Variants in HS3ST4 observed in about 807,000 individuals in gnomAD.
HS3ST4 encodes heparan sulfate-glucosamine 3-sulfotransferase 4.
In HS3ST4, 17 loss-of-function variants were observed where a neutral mutation model predicts 29.2. That is an observed-to-expected ratio of 0.58 (90% CI 0.40 to 0.87). The LOEUF is 0.87. HS3ST4 is among the 40% of genes least tolerant of loss of function. The pLI, the probability that HS3ST4 is intolerant of heterozygous loss-of-function variation, is 0.00. For missense variants in HS3ST4, 627 were observed against 634.5 expected (o/e 0.99, Z 0.13); for synonymous variants, 314 against 285.7 (o/e 1.10, Z -1.00).
Position 25,960,122 on chromosome 16 carries a change from G to A in HS3ST4, c.735-175490G>A, listed in dbSNP as rs1459057604. On this transcript the variant is annotated intron_variant, in intron 1 of 1. Transcript: ENST00000331351. Reference sequence around the variant, plus strand: ...TTGCACTCCAGCCTGGGCAACAAGAGTGAAACTCCGTCTCAAAAAAAAAGA... The same window carrying A: ...TTGCACTCCAGCCTGGGCAACAAGAATGAAACTCCGTCTCAAAAAAAAAGA... Among the ~76,000 whole-genome samples the A allele has an allele frequency of 2.6e-5, 4 of 152,004 alleles. No homozygotes were observed. In the East Asian group the frequency reaches 7.7e-4, roughly 29 times the overall value.
At chr16:25,971,938 A>G (rs1256924734) in intron 1 of HS3ST4, among the ~76,000 whole-genome samples, 1 of 152,128 alleles carries the variant, frequency 6.6e-6, no homozygotes, top group Non-Finnish European at 1.5e-5. Flanking sequence ...CTCAAAAAAG[A>G]AAGAAAGAAA....
chr16:25,810,088 T>C (rs1184586902), intron 1 of HS3ST4, among the ~76,000 whole-genome samples: 2 of 152,130 alleles, frequency 1.3e-5, no homozygotes, highest in Admixed American at 1.3e-4. Flanking sequence ...TCCTCTTTTC[T>C]AAAGTAAGAA....
At chr16:25,920,605 C>A (rs796294514) in intron 1 of HS3ST4, among the ~76,000 whole-genome samples, 1,918 of 150,158 alleles carry the variant, frequency 0.013, 88 homozygotes, top group African/African-American at 0.044. Context: ...CGCCCCCACC[C>A]CTCTTTTTTT....
At chr16:25,858,686 G>A (rs1229526863) in intron 1 of HS3ST4, among the ~76,000 whole-genome samples, 1 of 151,822 alleles carries the variant, frequency 6.6e-6, no homozygotes, top group African/African-American at 2.4e-5. Context: ...ATGGTTATTT[G>A]TCTACTCATG....
rs147451016 is a variant in HS3ST4 at position 25,754,714 on chromosome 16, G to T, written c.734+61563G>T. Reference sequence around the variant, plus strand: ...CCTCAGATCTCCTGAGGACTATCACGATCACAAGAACAGGATGGGGAAAAC... The same window carrying T: ...CCTCAGATCTCCTGAGGACTATCACTATCACAAGAACAGGATGGGGAAAAC... On this transcript the variant is annotated intron_variant, in intron 1 of 1. Coordinates refer to ENST00000331351, the MANE Select transcript of HS3ST4 (RefSeq NM_006040.3). Among the ~76,000 whole-genome samples the T allele has an allele frequency of 2.5e-3, 378 of 152,168 alleles. 2 individuals are homozygous for T. Among genetic ancestry groups the T allele is most frequent in the African/African-American group, 8.7e-3 (362 of 41,488 alleles).
intron 1 of HS3ST4, among the ~76,000 whole-genome samples, chr16:25,768,108 C>G (rs1966833003): frequency 6.6e-6 from 1 of 152,088 alleles, no homozygotes; most frequent in African/African-American, 2.4e-5. Flanking sequence ...CTGTGAACAT[C>G]ACATGTCTGG....
intron 1 of HS3ST4, among the ~76,000 whole-genome samples, chr16:25,843,924 C>T (rs1041856490): frequency 2.0e-5 from 3 of 152,112 alleles, no homozygotes; most frequent in Admixed American, 6.6e-5. Context: ...TCTCATGTTG[C>T]CCCAGTCTCC....
At chr16:25,832,664 T>C (rs1167990136) in intron 1 of HS3ST4, among the ~76,000 whole-genome samples, 1 of 152,242 alleles carries the variant, frequency 6.6e-6, no homozygotes, top group African/African-American at 2.4e-5. Flanking sequence ...CAAAGCTATA[T>C]ACTATGCAGC....
At chr16:25,886,079 C>T (rs1596602698) in intron 1 of HS3ST4, among the ~76,000 whole-genome samples, 1 of 124,254 alleles carries the variant, frequency 8.0e-6, no homozygotes, top group South Asian at 2.8e-4. Context: ...TTCACCCAGG[C>T]TGGAGTGCAG....
At chr16:25,755,080 T>C (rs1220887837) in intron 1 of HS3ST4, among the ~76,000 whole-genome samples, 1 of 151,778 alleles carries the variant, frequency 6.6e-6, no homozygotes, top group Non-Finnish European at 1.5e-5. Context: ...ATCCATCCAT[T>C]CATTTATTCA....
intron 1 of HS3ST4, among the ~76,000 whole-genome samples, chr16:25,722,369 C>T (rs1033027167): frequency 5.9e-5 from 9 of 152,206 alleles, no homozygotes; most frequent in Admixed American, 3.3e-4. Flanking sequence ...TATGTTCTCA[C>T]GTATCATTTT....
chr16:25,783,036 T>C (rs966272330), intron 1 of HS3ST4, among the ~76,000 whole-genome samples: 11 of 152,202 alleles, frequency 7.2e-5, no homozygotes, highest in Non-Finnish European at 1.5e-4. Flanking sequence ...CTCATTTTGT[T>C]GCTTTCTTTG....
At chr16:26,064,972 C>G (rs1270739487) in intron 1 of HS3ST4, among the ~76,000 whole-genome samples, 2 of 152,150 alleles carry the variant, frequency 1.3e-5, no homozygotes, top group Admixed American at 1.3e-4. Flanking sequence ...TAAAGTTAAT[C>G]TGAGGTTGAA....
At chr16:25,829,803 A>T (rs190555180) in intron 1 of HS3ST4, among the ~76,000 whole-genome samples, 1 of 152,228 alleles carries the variant, frequency 6.6e-6, no homozygotes, top group East Asian at 1.9e-4. Context: ...ACACTATTTT[A>T]AAAAATTATT....
chr16:25,871,263 C>G (rs900612319), intron 1 of HS3ST4, among the ~76,000 whole-genome samples: 15 of 152,136 alleles, frequency 9.9e-5, no homozygotes, highest in African/African-American at 3.6e-4. Flanking sequence ...GGAAGGGTTG[C>G]AGACACAATT....
chr16:25,934,218 G>C (rs997999799), intron 1 of HS3ST4, among the ~76,000 whole-genome samples: 9 of 152,158 alleles, frequency 5.9e-5, no homozygotes, highest in African/African-American at 2.2e-4. Context: ...AGGTAACTAG[G>C]CTGAGATGTA....
rs1234621074 is a variant in HS3ST4 at position 26,137,008 on chromosome 16, C to G, written c.*760C>G. On this transcript the variant is annotated 3_prime_UTR_variant, in exon 2 of 2. Coordinates refer to ENST00000331351, the MANE Select transcript of HS3ST4 (RefSeq NM_006040.3). ...GGGTTGTGCAGAAGCTTAGCATATG[C>G]CCTTGTGTTCGGATCAGGCCCACAG... The G allele has an allele frequency of 6.6e-6, 1 of 152,150 alleles. No homozygotes were observed. The highest frequency in any genetic ancestry group is 1.9e-4 in the East Asian group (1 of 5,172). The allele number at this position is 152,150 out of a possible 1,614,324, so 9.4% of individuals were successfully genotyped here. A position where few individuals can be genotyped will look rare whatever the true frequency, so the allele number is the denominator to read the frequency against.
chr16:26,045,790 C>T lies in HS3ST4; in HGVS notation c.735-89822C>T, dbSNP rs148522806. On this transcript the variant is annotated intron_variant, in intron 1 of 1. Transcript: ENST00000331351. ...ACTTTTATAACATCCCAAGTTCTCTCTCACATGGATTATATTTTTATGGTT... is the reference window on the plus strand; with the variant it reads ...ACTTTTATAACATCCCAAGTTCTCTTTCACATGGATTATATTTTTATGGTT... Among the ~76,000 whole-genome samples the T allele has an allele frequency of 2.0e-4, 30 of 152,324 alleles. No individual in the cohort carries two copies. The East Asian group carries it at 5.6e-3, about 28-fold the overall frequency.
chr16:25,864,284 T>C (rs1489851645), intron 1 of HS3ST4, among the ~76,000 whole-genome samples: 1 of 152,264 alleles, frequency 6.6e-6, no homozygotes. Flanking sequence ...AACACATCCA[T>C]CACCTTAGAT....
Sources: gnomAD v4.1 joint callset for allele counts (sites outside exome capture counted in the v4.1 genomes callset) on GRCh38, gnomAD v4.1.1 for gene constraint, MANE v1.5 for transcripts, NCBI Gene and HGNC (gene_info 2026-07-23, HGNC 2026-07-21) for gene names.